Variants in SLC17A1 observed in about 807,000 individuals in gnomAD.
The protein encoded by SLC17A1 is sodium-dependent phosphate transport protein 1.
SLC17A1 carries 51 observed loss-of-function variants against 53.5 expected under a neutral mutation model. The observed-to-expected ratio is 0.95, with a 90% CI of 0.76 to 1.20. The LOEUF (loss-of-function observed/expected upper bound fraction) is 1.20. Among genes scored for constraint, SLC17A1 ranks in the 50% most tolerant of loss-of-function variants. The pLI is 0.00. For missense variants in SLC17A1, 538 were observed against 568.2 expected (o/e 0.95, Z 0.54); for synonymous variants, 179 against 198.8 (o/e 0.90, Z 0.84).
chr6:25,780,970 A>G (rs1431528038), downstream of SLC17A1: 1 of 152,176 alleles, frequency 6.6e-6, no homozygotes. Context: ...GTAGACAACA[A>G]GAAGGAAAAT....
At chr6:25,736,936 T>C in the SLC17A1 span, among the ~76,000 whole-genome samples, 1 of 152,202 alleles carries the variant, frequency 6.6e-6, no homozygotes, top group African/African-American at 2.4e-5. Flanking sequence ...ACCAACTTCA[T>C]CTTGCTAGAT....
At chr6:25,769,006 G>T in the SLC17A1 span, 4 of 1,613,822 alleles carry the variant, frequency 2.5e-6, no homozygotes, top group African/African-American at 5.3e-5. Context: ...GTCCGACATG[G>T]GCTGGCCCTC....
At chr6:25,815,063 T>C (rs1299911735) in intron 6 of SLC17A1, among the ~76,000 whole-genome samples, 4 of 130,024 alleles carry the variant, frequency 3.1e-5, no homozygotes, top group African/African-American at 1.2e-4. Flanking sequence ...TGTAGGACAA[T>C]TATAAAAGCT....
intron 12 of SLC17A1, among the ~76,000 whole-genome samples, chr6:25,785,333 C>T (rs1213589394): frequency 6.6e-6 from 1 of 152,056 alleles, no homozygotes; most frequent in African/African-American, 2.4e-5. Flanking sequence ...GAATCAAAGA[C>T]CTAAATGTAA....
intron 7 of SLC17A1, 49 bp from the exon 8 acceptor site, chr6:25,813,041 T>C (rs764570935): frequency 7.3e-5 from 117 of 1,610,306 alleles, no homozygotes; most frequent in Non-Finnish European, 9.3e-5. Context: ...AACTGGAACA[T>C]GTTTAGTTTG....
At chr6:25,748,613 C>A in the SLC17A1 span, among the ~76,000 whole-genome samples, 2 of 152,140 alleles carry the variant, frequency 1.3e-5, no homozygotes, top group Admixed American at 6.5e-5. Flanking sequence ...CGGCGCTCAG[C>A]ATACGGAGGA....
intron 2 of SLC17A1, among the ~76,000 whole-genome samples, chr6:25,828,762 T>C (rs901493242): frequency 1.3e-5 from 2 of 152,176 alleles, no homozygotes; most frequent in Non-Finnish European, 2.9e-5. Context: ...ATAGAATCGT[T>C]TGAACTAGCA....
the SLC17A1 span, chr6:25,770,995 A>T: frequency 2.2e-5 from 35 of 1,613,594 alleles, no homozygotes; most frequent in Admixed American, 5.8e-4. Flanking sequence ...GGATGGCCTT[A>T]CGTCTTCTAT....
the SLC17A1 span, chr6:25,726,076 A>T: frequency 6.9e-7 from 1 of 1,457,154 alleles, no homozygotes. Flanking sequence ...GTGGCTCTGA[A>T]AAGAGCCTTT....
chr6:25,795,381 G>GA (rs1763582604), intron 12 of SLC17A1, among the ~76,000 whole-genome samples: 1 of 152,092 alleles, frequency 6.6e-6, no homozygotes, highest in Admixed American at 6.6e-5. Flanking sequence ...CATGTAAATA[G>GA]AAAAAATGAA....
chr6:25,795,691 A>G (rs1474792667), intron 12 of SLC17A1, among the ~76,000 whole-genome samples: 1 of 152,160 alleles, frequency 6.6e-6, no homozygotes, highest in Admixed American at 6.5e-5. Flanking sequence ...ATGGCTCAGT[A>G]AGGTGGAATT....
chr6:25,821,411 A>G lies in SLC17A1; in HGVS notation c.208-1496T>C, dbSNP rs185785006. Reference sequence around the variant, plus strand: ...CCTTATAGTAGCCTGGGTGCCAGGGAAGTTCCAGATCTTTTCCACTGAGAG... The same window carrying G: ...CCTTATAGTAGCCTGGGTGCCAGGGGAGTTCCAGATCTTTTCCACTGAGAG... On this transcript the variant is annotated intron_variant, in intron 3 of 12. Transcript: ENST00000244527. 2.4e-4 allele frequency among the ~76,000 whole-genome samples: 36 copies of G among 152,332 alleles called. No individual in the cohort carries two copies. In the East Asian group the frequency reaches 6.8e-3, roughly 29 times the overall value.
At chr6:25,782,422 T>C (rs1295234725), downstream of SLC17A1, among the ~76,000 whole-genome samples, 1 of 152,170 alleles carries the variant, frequency 6.6e-6, no homozygotes, top group African/African-American at 2.4e-5. Flanking sequence ...AGAACAACAG[T>C]ATCATATACA....
At chr6:25,802,935 CTTTTTTTT>C (rs34669145) in intron 10 of SLC17A1, among the ~76,000 whole-genome samples, 4 of 46,062 alleles carry the variant, frequency 8.7e-5, no homozygotes, top group African/African-American at 3.6e-4. Flanking sequence ...CTATCTTCTT[CTTTTTTTT>C]TTTTTTTTTT....
In SLC17A1 at chr6:25,813,098, C is replaced by T; in HGVS notation, c.732G>A (p.Gln244=). 1 of 1,613,302 alleles carries T rather than the reference C, an allele frequency of 6.2e-7. No individual in the cohort carries two copies. Among genetic ancestry groups the T allele is most frequent in the African/African-American group, 1.3e-5 (1 of 75,024 alleles). Reference sequence around the variant, plus strand: ...AATATGGAGAACTGTGTTCTACCTGCTGGACCAGGGAGGATGTGATGTATT... The same window carrying T: ...AATATGGAGAACTGTGTTCTACCTGTTGGACCAGGGAGGATGTGATGTATT... ...EKEYITSSLV[Q]QVSSSRQSLP... Residue 244 remains glutamine (Q), a synonymous_variant, in exon 7 of 13, where the codon CAG becomes CAA. Transcript: ENST00000244527.
At chr6:25,735,002 T>C in the SLC17A1 span, among the ~76,000 whole-genome samples, 1 of 152,230 alleles carries the variant, frequency 6.6e-6, no homozygotes, top group East Asian at 1.9e-4. Context: ...CCACACACCC[T>C]TTCAGAAAAG....
chr6:25,810,558 C>T (rs1764117968), intron 10 of SLC17A1, among the ~76,000 whole-genome samples: 1 of 151,922 alleles, frequency 6.6e-6, no homozygotes, highest in South Asian at 2.1e-4. Flanking sequence ...ATGAGATATC[C>T]CCCTACACCT....
chr6:25,804,252 G>A (rs1763882281), intron 10 of SLC17A1, among the ~76,000 whole-genome samples: 1 of 152,028 alleles, frequency 6.6e-6, no homozygotes, highest in African/African-American at 2.4e-5. Context: ...TCCTTAAACA[G>A]AAAACAACTG....
intron 12 of SLC17A1, among the ~76,000 whole-genome samples, chr6:25,797,957 G>T (rs1053450301): frequency 6.6e-6 from 1 of 152,124 alleles, no homozygotes; most frequent in Admixed American, 6.5e-5. Flanking sequence ...CTTGGATTTT[G>T]TCGAACATAT....
Sources: allele counts gnomAD v4.1 joint callset (sites outside exome capture counted in the v4.1 genomes callset), GRCh38; gene constraint gnomAD v4.1.1; transcripts MANE v1.5; gene names NCBI Gene and HGNC (gene_info 2026-07-23, HGNC 2026-07-21).